Variants in LRRTM4 observed in about 807,000 individuals in gnomAD.
The protein encoded by LRRTM4 is leucine rich repeat transmembrane neuronal 4.
In LRRTM4, 25 loss-of-function variants were observed where a neutral mutation model predicts 47.6. The ratio of observed to expected loss-of-function variants is 0.53; its 90% confidence interval spans 0.38 to 0.73. The LOEUF is 0.73. Among genes scored for constraint, LRRTM4 ranks in the 30% least tolerant of loss-of-function variants. The pLI is 0.00. For missense variants in LRRTM4, 638 were observed against 713.4 expected (o/e 0.89, Z 1.20); for synonymous variants, 311 against 269.5 (o/e 1.15, Z -1.51).
intron 3 of LRRTM4, among the ~76,000 whole-genome samples, chr2:77,313,668 A>T (rs1319442790): frequency 1.3e-5 from 2 of 152,058 alleles, no homozygotes; most frequent in African/African-American, 2.4e-5. Context: ...TTGTTAATCA[A>T]TTGTTATGAT....
chr2:76,954,029 A>G (rs1214736818), intron 3 of LRRTM4, among the ~76,000 whole-genome samples: 1 of 151,838 alleles, frequency 6.6e-6, no homozygotes, highest in East Asian at 2.0e-4. Flanking sequence ...AAAAGACCAC[A>G]TGTATAAAAG....
At chr2:77,314,793 T>A (rs1224122587) in intron 3 of LRRTM4, among the ~76,000 whole-genome samples, 1 of 152,188 alleles carries the variant, frequency 6.6e-6, no homozygotes. Flanking sequence ...GTAGAAACCT[T>A]ACTTAGAATT....
At chr2:77,077,927 T>G (rs1252970336) in intron 3 of LRRTM4, among the ~76,000 whole-genome samples, 1 of 152,174 alleles carries the variant, frequency 6.6e-6, no homozygotes, top group Admixed American at 6.5e-5. Flanking sequence ...AAGGGAGCAT[T>G]GCATTTTTAA....
At chr2:77,280,536 C>T (rs1676481159) in intron 3 of LRRTM4, among the ~76,000 whole-genome samples, 2 of 151,916 alleles carry the variant, frequency 1.3e-5, no homozygotes, top group Admixed American at 1.3e-4. Context: ...ATTAAAATGC[C>T]TAAAGGTGCA....
intron 3 of LRRTM4, among the ~76,000 whole-genome samples, chr2:77,182,393 G>A (rs1264558196): frequency 1.3e-5 from 2 of 152,152 alleles, no homozygotes; most frequent in South Asian, 2.1e-4. Context: ...ATGGACACAG[G>A]AAAGGTAACA....
chr2:77,509,469 G>T (rs1344741106), intron 3 of LRRTM4, among the ~76,000 whole-genome samples: 3 of 151,938 alleles, frequency 2.0e-5, no homozygotes, highest in Non-Finnish European at 4.4e-5. Flanking sequence ...TGCCAGCTCT[G>T]GTACCCAAAC....
intron 3 of LRRTM4, among the ~76,000 whole-genome samples, chr2:77,407,690 A>G (rs1183952782): frequency 7.4e-6 from 1 of 134,892 alleles, no homozygotes; most frequent in African/African-American, 3.0e-5. Context: ...ATTTAATATA[A>G]TATATGATAT....
intron 3 of LRRTM4, among the ~76,000 whole-genome samples, chr2:76,771,018 C>G (rs1031202531): frequency 6.6e-6 from 1 of 152,178 alleles, no homozygotes; most frequent in South Asian, 2.1e-4. Flanking sequence ...CTGTCAAATG[C>G]AAGCCCTTAC....
intron 3 of LRRTM4, among the ~76,000 whole-genome samples, chr2:76,974,802 A>T (rs2103951206): frequency 1.3e-5 from 2 of 151,876 alleles, no homozygotes; most frequent in South Asian, 4.2e-4. Flanking sequence ...AAAGTTGTTA[A>T]ATTTTGCACA....
intron 3 of LRRTM4, among the ~76,000 whole-genome samples, chr2:77,402,051 A>T (rs1673981001): frequency 6.6e-6 from 1 of 152,066 alleles, no homozygotes; most frequent in Non-Finnish European, 1.5e-5. Flanking sequence ...GCATAAAATG[A>T]GATAATTTTA....
chr2:77,099,386 A>G (rs1296290504), intron 3 of LRRTM4, among the ~76,000 whole-genome samples: 2 of 152,000 alleles, frequency 1.3e-5, no homozygotes, highest in African/African-American at 4.8e-5. Flanking sequence ...TTCTGACTTT[A>G]TCTTTGTGTC....
intron 3 of LRRTM4, among the ~76,000 whole-genome samples, chr2:76,879,433 G>A: frequency 6.6e-6 from 1 of 152,116 alleles, no homozygotes; most frequent in East Asian, 1.9e-4. Context: ...TGAACAACAA[G>A]GCCTAGAAGA....
At chr2:77,072,538 C>T (rs962952889) in intron 3 of LRRTM4, among the ~76,000 whole-genome samples, 2 of 152,056 alleles carry the variant, frequency 1.3e-5, no homozygotes, top group Non-Finnish European at 2.9e-5. Context: ...TGGCTCATGC[C>T]TGTAATCCCA....
In LRRTM4 at chr2:77,519,433, G is replaced by GA; in HGVS notation, c.435dup (p.Gln146SerfsTer6). The GA allele has an allele frequency of 6.2e-7, 1 of 1,613,482 alleles. No homozygotes were observed. The highest frequency in any genetic ancestry group is 8.5e-7 in the Non-Finnish European group (1 of 1,179,658). On this transcript the variant is annotated frameshift_variant, in exon 3 of 4. Transcript: ENST00000409884. LOFTEE classifies it high-confidence loss of function. The surrounding 1 kb of genome is among the most constrained non-coding windows in gnomAD (Gnocchi z 4.6). ...TTAAATTGTTCAGATTGCAATGTCTGAAGCTTATTGTAGGAGAGGTCCAGA... is the reference window on the plus strand; with the variant it reads ...TTAAATTGTTCAGATTGCAATGTCTGAAAGCTTATTGTAGGAGAGGTCCAGA...
At chr2:76,988,398 A>C (rs1409511218) in intron 3 of LRRTM4, among the ~76,000 whole-genome samples, 1 of 151,782 alleles carries the variant, frequency 6.6e-6, no homozygotes, top group Non-Finnish European at 1.5e-5. Context: ...TGATGATGAT[A>C]ATATCCTTGA....
intron 3 of LRRTM4, among the ~76,000 whole-genome samples, chr2:77,032,899 C>G (rs1183478928): frequency 1.3e-5 from 2 of 152,054 alleles, no homozygotes; most frequent in African/African-American, 4.8e-5. Flanking sequence ...TTGCTGGGTT[C>G]TAATTGCCTA....
At chr2:76,839,021 C>G (rs374811273) in intron 3 of LRRTM4, among the ~76,000 whole-genome samples, 1 of 151,996 alleles carries the variant, frequency 6.6e-6, no homozygotes, top group Admixed American at 6.6e-5. Flanking sequence ...AATGTGGGTA[C>G]CATTATAGGA....
At chr2:76,991,272 A>G (rs548010704) in intron 3 of LRRTM4, among the ~76,000 whole-genome samples, 11 of 151,878 alleles carry the variant, frequency 7.2e-5, no homozygotes, top group African/African-American at 2.2e-4. Context: ...CAAAGCTAAC[A>G]GAAGAAAAGA....
chr2:77,100,374 T>A (rs1670921350), intron 3 of LRRTM4, among the ~76,000 whole-genome samples: 1 of 152,204 alleles, frequency 6.6e-6, no homozygotes, highest in Admixed American at 6.5e-5. Context: ...GGAAATAGCA[T>A]CACTGATGAA....
Sources: gnomAD v4.1 joint callset for allele counts (sites outside exome capture counted in the v4.1 genomes callset) on GRCh38, gnomAD v4.1.1 for gene constraint, Gnocchi (gnomAD v3.1) non-coding constraint, MANE v1.5 for transcripts, NCBI Gene and HGNC (gene_info 2026-07-23, HGNC 2026-07-21) for gene names.